The following FBXO15 variants were observed in gnomAD, a reference collection of about 807,000 sequenced individuals.
FBXO15 encodes the protein F-box protein 15, also known as F-box only protein 15.
A neutral mutation model predicts 49.5 loss-of-function variants in FBXO15; 30 were observed. The observed-to-expected ratio is 0.61, with a 90% CI of 0.45 to 0.82. FBXO15 has a LOEUF of 0.82. Ranked by LOEUF, FBXO15 falls within the 40% of genes least tolerant of loss-of-function variation. FBXO15 has a pLI of 0.00. For synonymous variants in FBXO15, 250 were observed against 232.7 expected, an observed-to-expected ratio of 1.07 and a Z score of -0.68; for missense variants, 591 against 631.5, an observed-to-expected ratio of 0.94 and a Z score of 0.69.
At chr18:74,086,900 G>A (rs1039336591) in intron 8 of FBXO15, among the ~76,000 whole-genome samples, 1 of 152,076 alleles carries the variant, frequency 6.6e-6, no homozygotes, top group East Asian at 1.9e-4. Context: ...GGTACTAGAG[G>A]GAAACTTAAA....
intron 1 of FBXO15, among the ~76,000 whole-genome samples, chr18:74,143,121 C>T (rs1053269758): frequency 6.6e-6 from 1 of 152,028 alleles, no homozygotes. Flanking sequence ...TCCACACATA[C>T]CCTAAGCATC....
chr18:74,123,633 C>G, intron 7 of FBXO15, 123 bp from the exon 8 acceptor site: 1 of 1,014,976 alleles, frequency 9.9e-7, no homozygotes, highest in East Asian at 2.6e-5. Flanking sequence ...AAATGAAACT[C>G]CATAGGATTC....
chr18:74,082,904 G>T (rs1912568266), intron 8 of FBXO15, among the ~76,000 whole-genome samples: 1 of 152,174 alleles, frequency 6.6e-6, no homozygotes, highest in Non-Finnish European at 1.5e-5. Flanking sequence ...AAGAGCAAAT[G>T]TTCTCCAGCC....
chr18:74,130,207 T>C (rs1568177928), intron 4 of FBXO15, among the ~76,000 whole-genome samples: 1 of 152,086 alleles, frequency 6.6e-6, no homozygotes, highest in Admixed American at 6.6e-5. Flanking sequence ...TGTTTCAAGT[T>C]CCCCCCCACT....
intron 8 of FBXO15, among the ~76,000 whole-genome samples, chr18:74,103,336 A>G (rs1204756483): frequency 1.3e-5 from 2 of 151,820 alleles, no homozygotes; most frequent in African/African-American, 4.8e-5. Context: ...GAAAAAAGAA[A>G]AAAGAATGAA....
intron 8 of FBXO15, among the ~76,000 whole-genome samples, chr18:74,101,417 A>AC (rs1209999583): frequency 6.6e-6 from 1 of 152,054 alleles, no homozygotes; most frequent in Non-Finnish European, 1.5e-5. Flanking sequence ...TCAATGTAAT[A>AC]AAAGCCTACA....
chr18:74,141,856 C>A (rs1218111781), intron 1 of FBXO15, among the ~76,000 whole-genome samples: 1 of 152,196 alleles, frequency 6.6e-6, no homozygotes, highest in Non-Finnish European at 1.5e-5. Context: ...CCTGGCTGCC[C>A]TGCTTCCCAG....
rs1159591074 is a variant in FBXO15 at position 74,147,722 on chromosome 18, G to T, written c.64C>A (p.Pro22Thr). 1.3e-6 allele frequency: 2 copies of T among 1,533,882 alleles called. No individual in the cohort carries two copies. The highest frequency in any genetic ancestry group is 1.2e-5 in the South Asian group (1 of 83,056). The change falls in exon 1 of 10, where the codon CCC becomes ACC. Residue 22 changes from proline to threonine, a missense_variant. By Grantham distance (38) the Pro-to-Thr change is conservative. Coordinates refer to ENST00000419743, the MANE Select transcript of FBXO15 (RefSeq NM_001142958.2). Reference protein sequence around the residue: ...HWLGLQTLRGPSRGGGAARGR... With the variant: ...HWLGLQTLRGTSRGGGAARGR... ...CGGGCCGCGCCACCGCCCCTGCTGG[G>T]CCCGCGCAGCGTCTGGAGGCCGAGC...
At chr18:74,126,515 A>C (rs1914718169) in intron 5 of FBXO15, among the ~76,000 whole-genome samples, 1 of 152,250 alleles carries the variant, frequency 6.6e-6, no homozygotes, top group Admixed American at 6.5e-5. Flanking sequence ...CAAGTGACAT[A>C]AGAACGGGTG....
At position 74,145,593 on chromosome 18, in the gene FBXO15, A is replaced by AGTTTTTTT. The variant is rs1568186088; in HGVS notation, c.116+2076_116+2077insAAAAAAAC. Reference sequence around the variant, plus strand: ...TTTATCCATAAAATAAACCAACTGCACTTTTTTTTTTTTTTTTTTTTTGCG... The same window carrying AGTTTTTTT: ...TTTATCCATAAAATAAACCAACTGCAGTTTTTTTCTTTTTTTTTTTTTTTTTTTTTGCG... On this transcript the variant is annotated intron_variant, in intron 1 of 9. Transcript: ENST00000419743. Among the ~76,000 whole-genome samples the AGTTTTTTT allele has an allele frequency of 9.2e-4, 99 of 108,110 alleles. 3 individuals carry two copies. The highest frequency in any genetic ancestry group is 4.2e-3 in the African/African-American group (93 of 22,126). 70.9% of individuals were successfully genotyped at this position (108,110 alleles called of 152,430 possible). A position where few individuals can be genotyped will look rare whatever the true frequency, so the allele number is the denominator to read the frequency against.
intron 8 of FBXO15, among the ~76,000 whole-genome samples, chr18:74,102,758 A>G (rs1913579913): frequency 6.6e-6 from 1 of 152,192 alleles, no homozygotes; most frequent in Non-Finnish European, 1.5e-5. Flanking sequence ...TATGTATACA[A>G]TGGAATACTA....
chr18:74,115,356 C>T (rs1914182933), intron 8 of FBXO15, among the ~76,000 whole-genome samples: 1 of 152,124 alleles, frequency 6.6e-6, no homozygotes, highest in African/African-American at 2.4e-5. Flanking sequence ...TAATCCCAGG[C>T]ACCAAGAGTT....
At chr18:74,117,731 A>T (rs1395921387) in intron 8 of FBXO15, among the ~76,000 whole-genome samples, 3 of 152,226 alleles carry the variant, frequency 2.0e-5, no homozygotes, top group Non-Finnish European at 4.4e-5. Flanking sequence ...AACATTTAGC[A>T]GAAACCTATA....
intron 9 of FBXO15, among the ~76,000 whole-genome samples, chr18:74,076,999 T>C (rs1460513880): frequency 6.6e-6 from 1 of 152,196 alleles, no homozygotes; most frequent in Non-Finnish European, 1.5e-5. Context: ...GATACTCTCA[T>C]CTCAACTGAC....
At chr18:74,124,328 C>G (rs1308826878) in intron 7 of FBXO15, among the ~76,000 whole-genome samples, 161 bp downstream of exon 7, 1 of 152,180 alleles carries the variant, frequency 6.6e-6, no homozygotes, top group Non-Finnish European at 1.5e-5. Context: ...CGTGAATAAT[C>G]CAATTATTTT....
At chr18:74,135,145 T>C (rs531392245) in intron 3 of FBXO15, among the ~76,000 whole-genome samples, 3 of 152,138 alleles carry the variant, frequency 2.0e-5, no homozygotes, top group Admixed American at 6.5e-5. Flanking sequence ...GTTTCTCCCC[T>C]TCCTTCCTAG....
At chr18:74,109,150 C>A (rs1223044132) in intron 8 of FBXO15, among the ~76,000 whole-genome samples, 2 of 152,090 alleles carry the variant, frequency 1.3e-5, no homozygotes, top group East Asian at 1.9e-4. Context: ...AAAAAAATAA[C>A]CCCATCAAAA....
rs1912207092 is a variant in FBXO15, at chr18:74,075,120, G to A, written c.1264-1390C>T. Reference sequence around the variant, plus strand: ...AGCTGCACCATCCTCAGCTCGGCCTGACGGTCCCACCCTGGCTCTCTGGGT... The same window carrying A: ...AGCTGCACCATCCTCAGCTCGGCCTAACGGTCCCACCCTGGCTCTCTGGGT... On this transcript the variant is annotated intron_variant, in intron 9 of 9. Coordinates refer to ENST00000419743, the MANE Select transcript of FBXO15 (RefSeq NM_001142958.2). This position sits in a 1 kb window ranked among gnomAD's most constrained non-coding sequence, Gnocchi z 4.1. Among the ~76,000 whole-genome samples the A allele has an allele frequency of 2.0e-5, 3 of 152,198 alleles. No individual in the cohort carries two copies. The highest frequency in any genetic ancestry group is 2.0e-4 in the Admixed American group (3 of 15,276).
intron 9 of FBXO15, among the ~76,000 whole-genome samples, chr18:74,077,065 G>A (rs1383768919): frequency 6.6e-6 from 1 of 152,218 alleles, no homozygotes; most frequent in Non-Finnish European, 1.5e-5. Context: ...TGATACAGCT[G>A]CAGTGCTGAA....
Sources: allele counts gnomAD v4.1 joint callset (sites outside exome capture counted in the v4.1 genomes callset), GRCh38; gene constraint gnomAD v4.1.1; non-coding constraint Gnocchi (gnomAD v3.1); transcripts MANE v1.5; gene names NCBI Gene and HGNC (gene_info 2026-07-23, HGNC 2026-07-21).